The following MYO9A variants were observed in gnomAD, a reference collection of about 807,000 sequenced individuals.
MYO9A encodes unconventional myosin-IXa.
A neutral mutation model predicts 293.3 loss-of-function variants in MYO9A; 103 were observed. The observed-to-expected ratio is 0.35, with a 90% CI of 0.30 to 0.41. MYO9A has a LOEUF of 0.41. Among genes scored for constraint, MYO9A ranks in the 10% least tolerant of loss-of-function variants. The probability of loss-of-function intolerance (pLI) is 1.00; values close to 1 mark genes in which losing one functional copy is unlikely to be tolerated. For synonymous variants in MYO9A, 1,001 were observed against 1,035.7 expected (o/e 0.97, Z 0.64); for missense variants, 2,685 against 3,033.0 (o/e 0.89, Z 2.69).
At position 71,825,998 on chromosome 15, in the gene MYO9A, T is replaced by TCTTTTTTTTG. The variant is rs1567169985; in HGVS notation, c.*581_*582insCAAAAAAAAG. On this transcript the variant is annotated 3_prime_UTR_variant, in exon 42 of 42. Transcript: ENST00000356056. ...GAAACAATCACGGTTTTTTTTTGTT[T>TCTTTTTTTTG]TTTTTTTTTTGTTTTTTTTTTTTGT... 8.3e-6 allele frequency: 1 copy of TCTTTTTTTTG among 120,416 alleles called. No individual in the cohort carries two copies. Among genetic ancestry groups the TCTTTTTTTTG allele is most frequent in the African/African-American group, 3.9e-5 (1 of 25,828 alleles). The allele number at this position is 120,416 out of a possible 1,614,324, so 7.5% of individuals were successfully genotyped here. A position where few individuals can be genotyped will look rare whatever the true frequency, so the allele number is the denominator to read the frequency against.
chr15:72,103,554 A>C (rs2080463300), intron 1 of MYO9A, among the ~76,000 whole-genome samples: 1 of 151,376 alleles, frequency 6.6e-6, no homozygotes, highest in South Asian at 2.1e-4. Context: ...GAAGCAGTGG[A>C]AGCAGAAGCA....
rs180710948 is a variant in MYO9A, at chr15:71,852,873, C to T, written c.6347-613G>A. On this transcript the variant is annotated intron_variant, in intron 35 of 41. Coordinates refer to ENST00000356056, the MANE Select transcript of MYO9A (RefSeq NM_006901.4). ...AGCACTTTGGGAGACTGAGACAGGC[C>T]GATTACTTGAGGCCAGGAGACAGAA... Among the ~76,000 whole-genome samples the T allele has an allele frequency of 7.6e-4, 116 of 152,180 alleles. 1 individual carries two copies. The highest frequency in any genetic ancestry group is 1.3e-3 in the Non-Finnish European group (87 of 68,010).
At chr15:72,085,906 G>C (rs2079706040) in intron 1 of MYO9A, among the ~76,000 whole-genome samples, 1 of 152,162 alleles carries the variant, frequency 6.6e-6, no homozygotes, top group Admixed American at 6.5e-5. Context: ...GGTGGCCAAG[G>C]TTCAGCTCCT....
At chr15:71,951,451 T>A (rs1326840122) in intron 15 of MYO9A, among the ~76,000 whole-genome samples, 2 of 150,576 alleles carry the variant, frequency 1.3e-5, no homozygotes, top group Non-Finnish European at 3.0e-5. Flanking sequence ...TTTTTTTTTT[T>A]ATGAGCAGGA....
At chr15:72,096,178 A>G (rs1381022177) in intron 1 of MYO9A, among the ~76,000 whole-genome samples, 4 of 136,998 alleles carry the variant, frequency 2.9e-5, no homozygotes, top group African/African-American at 5.7e-5. Flanking sequence ...AAAAAAAAAG[A>G]AAAAAAAAAA....
intron 34 of MYO9A, among the ~76,000 whole-genome samples, chr15:71,854,851 G>A (rs191698038): frequency 5.0e-4 from 76 of 152,284 alleles, no homozygotes; most frequent in Middle Eastern, 3.4e-3. Context: ...AAGCAAAGGT[G>A]GGATTTGGGT....
At chr15:72,118,171 A>C (rs555154764), upstream of MYO9A, 4 of 359,850 alleles carry the variant, frequency 1.1e-5, no homozygotes, top group East Asian at 4.1e-5. Context: ...CACGCCCCCT[A>C]CTGCCAGCAC....
intron 1 of MYO9A, among the ~76,000 whole-genome samples, chr15:72,101,869 G>A (rs1189458672): frequency 6.6e-6 from 1 of 151,740 alleles, no homozygotes; most frequent in African/African-American, 2.4e-5. Context: ...GGGAGGTGGG[G>A]GGGTCAGCCC....
At chr15:71,888,271 A>C in intron 26 of MYO9A, 155 bp from the exon 27 acceptor site, 1 of 436,386 alleles carries the variant, frequency 2.3e-6, no homozygotes, top group Non-Finnish European at 4.1e-6. Context: ...GCCTACTGAA[A>C]ACTCTATATA....
chr15:71,829,697 C>T (rs2054639353), intron 40 of MYO9A, among the ~76,000 whole-genome samples: 1 of 151,994 alleles, frequency 6.6e-6, no homozygotes, highest in Non-Finnish European at 1.5e-5. Context: ...TTTGGCTTAG[C>T]CTAAGAATTC....
chr15:71,914,172 G>C (rs2057942156), intron 19 of MYO9A, among the ~76,000 whole-genome samples: 1 of 151,996 alleles, frequency 6.6e-6, no homozygotes, highest in African/African-American at 2.4e-5. Context: ...TCTTCAATTA[G>C]CAAGACCACT....
chr15:71,982,500 AAAAAGTGCATTCTGC>A (rs1385520979), intron 11 of MYO9A, among the ~76,000 whole-genome samples: 1 of 152,226 alleles, frequency 6.6e-6, no homozygotes, highest in Non-Finnish European at 1.5e-5. Flanking sequence ...AAACTTGAAA[AAAAAGTGCATTCTGC>A]AGCTGTTGAT....
chr15:71,940,469 G>A (rs2058745605), intron 15 of MYO9A, among the ~76,000 whole-genome samples: 2 of 152,100 alleles, frequency 1.3e-5, no homozygotes, highest in African/African-American at 4.8e-5. Context: ...TCTAGCCTGG[G>A]TGACAGAGTG....
chr15:71,912,301 G>A (rs1458945103), intron 19 of MYO9A, among the ~76,000 whole-genome samples: 1 of 151,172 alleles, frequency 6.6e-6, no homozygotes, highest in Non-Finnish European at 1.5e-5. Flanking sequence ...TTTTGTCCAG[G>A]CTGGAGTGCA....
chr15:72,097,284 A>G (rs1191662560), intron 1 of MYO9A, among the ~76,000 whole-genome samples: 1 of 152,240 alleles, frequency 6.6e-6, no homozygotes, highest in Admixed American at 6.5e-5. Context: ...TTCAGCATCC[A>G]CTATCCTGAT....
At chr15:71,900,065 G>A in intron 23 of MYO9A, 59 bp from the exon 24 acceptor site, 3 of 1,423,240 alleles carry the variant, frequency 2.1e-6, no homozygotes, top group African/African-American at 1.5e-5. Context: ...CATTTTCACA[G>A]GAAAAAAAGA....
chr15:71,951,970 G>C, intron 14 of MYO9A, 74 bp from the exon 15 acceptor site: 2 of 1,467,666 alleles, frequency 1.4e-6, no homozygotes, highest in Non-Finnish European at 1.8e-6. Flanking sequence ...CAAACCAACA[G>C]AGAATCAAGG....
At chr15:71,947,721 T>C (rs140257537) in intron 15 of MYO9A, among the ~76,000 whole-genome samples, 1 of 152,276 alleles carries the variant, frequency 6.6e-6, no homozygotes, top group East Asian at 1.9e-4. Flanking sequence ...ATGGTGAGGG[T>C]AATTTAGGTG....
chr15:72,007,372 T>C (rs376729769), intron 8 of MYO9A, among the ~76,000 whole-genome samples: 226 of 151,828 alleles, frequency 1.5e-3, no homozygotes, highest in African/African-American at 4.6e-3. Flanking sequence ...AGAACCTTTA[T>C]GTCCTATTCA....
Sources: gnomAD v4.1 joint callset for allele counts (sites outside exome capture counted in the v4.1 genomes callset) on GRCh38, gnomAD v4.1.1 for gene constraint, MANE v1.5 for transcripts, NCBI Gene and HGNC (gene_info 2026-07-23, HGNC 2026-07-21) for gene names.